TRHDE: variants seen among roughly 807,000 people sequenced by gnomAD.
TRHDE encodes thyrotropin-releasing hormone-degrading ectoenzyme.
TRHDE carries 72 observed loss-of-function variants against 125.7 expected under a neutral mutation model. The ratio of observed to expected loss-of-function variants is 0.57; its 90% confidence interval spans 0.47 to 0.70. TRHDE has a LOEUF of 0.70. Among genes scored for constraint, TRHDE ranks in the 30% least tolerant of loss-of-function variants. TRHDE has a pLI of 0.00. For synonymous variants in TRHDE, 509 were observed against 509.1 expected (o/e 1.00, Z 0.00); for missense variants, 1,110 against 1,327.1 (o/e 0.84, Z 2.54).
rs1592498284 is a variant in TRHDE at position 72,508,463 on chromosome 12, C to T, written c.1722+8828C>T. ...CTGGAGTTTTAAGATTTAATCACTGCCCTGCTGGGTTTCAGACTTACATGG... is the reference window on the plus strand; with the variant it reads ...CTGGAGTTTTAAGATTTAATCACTGTCCTGCTGGGTTTCAGACTTACATGG... On this transcript the variant is annotated intron_variant, in intron 6 of 18. Coordinates refer to ENST00000261180, the MANE Select transcript of TRHDE (RefSeq NM_013381.3). 2.6e-5 allele frequency among the ~76,000 whole-genome samples: 4 copies of T among 152,286 alleles called. 1 individual carries two copies. Among genetic ancestry groups the T allele is most frequent in the Admixed American group, 2.6e-4 (4 of 15,298 alleles).
intron 2 of TRHDE, chr12:72,262,423 C>T (rs1471306876): frequency 1.3e-5 from 2 of 152,130 alleles, no homozygotes; most frequent in African/African-American, 4.8e-5. Context: ...ATTCTATAAT[C>T]ATAGTGTTAA....
chr12:72,295,177 G>A (rs1227200961), intron 2 of TRHDE, among the ~76,000 whole-genome samples: 3 of 151,426 alleles, frequency 2.0e-5, no homozygotes, highest in South Asian at 2.1e-4. Flanking sequence ...GGTTGCAGAC[G>A]GGGCTCCTGC....
At chr12:72,297,456 A>C (rs1226116963) in intron 2 of TRHDE, among the ~76,000 whole-genome samples, 1 of 152,184 alleles carries the variant, frequency 6.6e-6, no homozygotes, top group Non-Finnish European at 1.5e-5. Flanking sequence ...AGAATCATGG[A>C]GTGAGCAGAA....
At chr12:72,258,050 G>T (rs181817604) in intron 2 of TRHDE, 29 of 152,180 alleles carry the variant, frequency 1.9e-4, no homozygotes, top group African/African-American at 6.7e-4. Flanking sequence ...TAAATGTATA[G>T]TTACTCTTTT....
intron 2 of TRHDE, among the ~76,000 whole-genome samples, chr12:72,165,872 T>C (rs886193342): frequency 6.6e-6 from 1 of 152,086 alleles, no homozygotes; most frequent in Non-Finnish European, 1.5e-5. Flanking sequence ...GGACGGGGTT[T>C]CACCGTTTTA....
At chr12:72,638,823 A>T in intron 15 of TRHDE, among the ~76,000 whole-genome samples, 1 of 152,132 alleles carries the variant, frequency 6.6e-6, no homozygotes, top group Admixed American at 6.5e-5. Flanking sequence ...AAGAATGTTG[A>T]ATATTGGCCC....
intron 2 of TRHDE, among the ~76,000 whole-genome samples, chr12:72,125,269 G>A (rs542082384): frequency 1.3e-4 from 20 of 151,836 alleles, no homozygotes; most frequent in Non-Finnish European, 1.6e-4. Context: ...CTTCTGTTCT[G>A]GATCTTTGTG....
chr12:72,445,567 G>A (rs1207413606), intron 3 of TRHDE, among the ~76,000 whole-genome samples: 1 of 151,896 alleles, frequency 6.6e-6, no homozygotes, highest in Non-Finnish European at 1.5e-5. Context: ...TTAGGTAGAA[G>A]TGTGCCCTAT....
rs1875950973 is a variant in TRHDE, at chr12:72,135,063, T to C, written n.279+29311T>C. Reference sequence around the variant, plus strand: ...AAAAAGAAAAAAGAAAAGACAAGGATGTGAGCATGAATGTAAAAATGCATC... The same window carrying C: ...AAAAAGAAAAAAGAAAAGACAAGGACGTGAGCATGAATGTAAAAATGCATC... On this transcript the variant is annotated intron_variant and non_coding_transcript_variant, in intron 2 of 4. Coordinates refer to the TRHDE transcript ENST00000548156. 3.3e-5 allele frequency among the ~76,000 whole-genome samples: 5 copies of C among 151,296 alleles called. No individual in the cohort carries two copies. The South Asian group carries it at 1.0e-3, about 31-fold the overall frequency.
chr12:72,534,775 G>A (rs909002319), intron 6 of TRHDE, among the ~76,000 whole-genome samples: 1 of 151,966 alleles, frequency 6.6e-6, no homozygotes, highest in Non-Finnish European at 1.5e-5. Context: ...TATGGTATGG[G>A]CTTTTCCTGT....
chr12:72,252,608 T>A (rs1162835161), intron 2 of TRHDE, among the ~76,000 whole-genome samples: 2 of 152,130 alleles, frequency 1.3e-5, no homozygotes, highest in Non-Finnish European at 2.9e-5. Context: ...TTTCAGATTA[T>A]CTTAGATATT....
At chr12:72,438,604 G>A (rs1874855820) in intron 3 of TRHDE, among the ~76,000 whole-genome samples, 1 of 151,628 alleles carries the variant, frequency 6.6e-6, no homozygotes, top group Non-Finnish European at 1.5e-5. Context: ...GCTTTCATCA[G>A]ATTTTTTTGT....
intron 12 of TRHDE, among the ~76,000 whole-genome samples, chr12:72,604,326 G>A (rs1374014549): frequency 6.6e-6 from 1 of 151,694 alleles, no homozygotes; most frequent in Non-Finnish European, 1.5e-5. Flanking sequence ...TTTTTTAAAG[G>A]GCATTTTAGT....
At chr12:72,164,481 G>C (rs1300895463) in intron 2 of TRHDE, among the ~76,000 whole-genome samples, 2 of 152,184 alleles carry the variant, frequency 1.3e-5, no homozygotes, top group African/African-American at 4.8e-5. Flanking sequence ...ACATGCAGGG[G>C]AGAGAGTCCA....
intron 2 of TRHDE, among the ~76,000 whole-genome samples, chr12:72,148,754 C>T (rs1038741732): frequency 6.6e-6 from 1 of 152,186 alleles, no homozygotes; most frequent in Non-Finnish European, 1.5e-5. Flanking sequence ...TTTCAATCTC[C>T]TATGAATTCA....
intron 2 of TRHDE, among the ~76,000 whole-genome samples, chr12:72,229,042 C>T (rs1009579809): frequency 6.6e-6 from 1 of 152,152 alleles, no homozygotes; most frequent in African/African-American, 2.4e-5. Context: ...TTTTCTGAGC[C>T]CTCCAAACTG....
Position 72,273,492 on chromosome 12 carries a change from C to A in TRHDE, c.849C>A (p.Asn283Lys). 1 of 1,612,132 alleles carries A rather than the reference C, an allele frequency of 6.2e-7. No homozygotes were observed. Among genetic ancestry groups the A allele is most frequent in the Non-Finnish European group, 8.5e-7 (1 of 1,180,024 alleles). Residue 283 changes from asparagine (N) to lysine (K), a missense_variant, in exon 1 of 19, where the codon AAC (asparagine) becomes AAA (lysine). This residue lies in a region of TRHDE where 252 missense variants were observed against 274.8 expected (regional missense o/e 0.92). Transcript: ENST00000261180. The surrounding 1 kb of genome is among the most constrained non-coding windows in gnomAD (Gnocchi z 5.3). The stretch of plus-strand genomic sequence containing the variant: ...ATTACAATCTGAAGATTATCTACAA[C>A]GCGCTCATCGAGAATGAGCTCCTGG... ...QRNYNLKIIY[N>K]ALIENELLGF...
intron 2 of TRHDE, among the ~76,000 whole-genome samples, chr12:72,310,080 G>A (rs918821256): frequency 6.6e-6 from 1 of 152,178 alleles, no homozygotes; most frequent in Non-Finnish European, 1.5e-5. Context: ...AATGGAAGAT[G>A]CTATGACACA....
rs191772432 is a variant in TRHDE at position 72,361,558 on chromosome 12, T to A, written c.1189-16437T>A. On this transcript the variant is annotated intron_variant, in intron 2 of 18. Coordinates refer to ENST00000261180, the MANE Select transcript of TRHDE (RefSeq NM_013381.3). ...GAGTAGGTGTTTTATAATTTATTTT[T>A]TTTTTATTTTATTATTATTATACTT... is the stretch of plus-strand genomic sequence containing the variant. Among the ~76,000 whole-genome samples the A allele has an allele frequency of 4.3e-3, 651 of 151,730 alleles. 1 individual carries two copies. Among genetic ancestry groups the A allele is most frequent in the African/African-American group, 0.013 (545 of 41,458 alleles).
Sources: allele counts gnomAD v4.1 joint callset (sites outside exome capture counted in the v4.1 genomes callset), GRCh38; gene constraint gnomAD v4.1.1; regional missense constraint gnomAD v4.1.1; non-coding constraint Gnocchi (gnomAD v3.1); transcripts MANE v1.5; gene names NCBI Gene and HGNC (gene_info 2026-07-23, HGNC 2026-07-21).